Variants in EDN1 observed in about 807,000 individuals in gnomAD.
EDN1 encodes endothelin-1.
A neutral mutation model predicts 21.7 loss-of-function variants in EDN1; 11 were observed. That is an observed-to-expected ratio of 0.51 (90% CI 0.32 to 0.84). The LOEUF is 0.84. Among genes scored for constraint, EDN1 ranks in the 40% least tolerant of loss-of-function variants. The pLI is 0.03. For missense variants in EDN1, 244 were observed against 262.3 expected, an observed-to-expected ratio of 0.93 and a Z score of 0.48; for synonymous variants, 85 against 90.6, an observed-to-expected ratio of 0.94 and a Z score of 0.35.
chr6:12,247,489 A>G, the EDN1 span, among the ~76,000 whole-genome samples: 1 of 150,304 alleles, frequency 6.7e-6, no homozygotes, highest in African/African-American at 2.4e-5. Flanking sequence ...GACATTTAGA[A>G]TTTAGAAGTA....
At chr6:12,258,862 A>T in the EDN1 span, among the ~76,000 whole-genome samples, 1 of 152,224 alleles carries the variant, frequency 6.6e-6, no homozygotes, top group African/African-American at 2.4e-5. Flanking sequence ...CATTCATTCA[A>T]CATCATCTGT....
At chr6:12,282,796 T>C in the EDN1 span, among the ~76,000 whole-genome samples, 2 of 152,226 alleles carry the variant, frequency 1.3e-5, no homozygotes, top group Non-Finnish European at 2.9e-5. Context: ...TCTGGCTAAA[T>C]TAAAGATTGA....
At chr6:12,249,332 T>C in the EDN1 span, among the ~76,000 whole-genome samples, 1 of 152,124 alleles carries the variant, frequency 6.6e-6, no homozygotes, top group Non-Finnish European at 1.5e-5. Context: ...CTAAAAATTG[T>C]TCAAAATCTC....
chr6:12,236,625 T>C, the EDN1 span, among the ~76,000 whole-genome samples: 1 of 152,182 alleles, frequency 6.6e-6, no homozygotes, highest in Non-Finnish European at 1.5e-5. Flanking sequence ...ATATATAAAT[T>C]CATTTTTCCT....
At chr6:12,256,987 A>G in the EDN1 span, among the ~76,000 whole-genome samples, 1 of 152,194 alleles carries the variant, frequency 6.6e-6, no homozygotes, top group Non-Finnish European at 1.5e-5. Context: ...AGGTAAAACT[A>G]AAATCATGTA....
chr6:12,288,550 A>G (rs1186090501), upstream of EDN1, among the ~76,000 whole-genome samples: 3 of 152,064 alleles, frequency 2.0e-5, no homozygotes, highest in Non-Finnish European at 2.9e-5. Flanking sequence ...GATAGGGTGG[A>G]GGCATCTCTG....
the EDN1 span, among the ~76,000 whole-genome samples, chr6:12,263,530 G>T: frequency 1.3e-5 from 2 of 152,124 alleles, no homozygotes; most frequent in African/African-American, 4.8e-5. Context: ...CCACCAGTTT[G>T]GGTTTGTAGA....
the EDN1 span, among the ~76,000 whole-genome samples, chr6:12,284,744 G>T: frequency 3.2e-4 from 22 of 68,766 alleles, no homozygotes; most frequent in African/African-American, 1.2e-3. Context: ...AGGAAGGAAG[G>T]AAGGAAGAAA....
the EDN1 span, among the ~76,000 whole-genome samples, chr6:12,261,573 C>T: frequency 1.3e-5 from 2 of 152,032 alleles, no homozygotes; most frequent in Non-Finnish European, 2.9e-5. Context: ...GGAAGGGAAG[C>T]GGTGTTATTA....
chr6:12,242,822 GCTCT>G, the EDN1 span, among the ~76,000 whole-genome samples: 1 of 152,132 alleles, frequency 6.6e-6, no homozygotes, highest in Non-Finnish European at 1.5e-5. Context: ...CAGTTGGAAT[GCTCT>G]CTATTAACCA....
upstream of EDN1, among the ~76,000 whole-genome samples, chr6:12,287,710 T>TCA (rs1762579735): frequency 2.1e-4 from 14 of 67,394 alleles, no homozygotes; most frequent in South Asian, 9.8e-4. Context: ...TCTCTCTCTC[T>TCA]CTCACACACA....
chr6:12,258,443 A>C, the EDN1 span, among the ~76,000 whole-genome samples: 1 of 115,810 alleles, frequency 8.6e-6, no homozygotes, highest in East Asian at 2.7e-4. Context: ...GAGTGAGATC[A>C]TGTCTCAAAA....
At chr6:12,249,424 T>C in the EDN1 span, among the ~76,000 whole-genome samples, 2 of 151,722 alleles carry the variant, frequency 1.3e-5, no homozygotes, top group Non-Finnish European at 2.9e-5. Context: ...TTAATAAATA[T>C]TGATTGGTTG....
chr6:12,277,466 G>A, the EDN1 span, among the ~76,000 whole-genome samples: 3 of 152,168 alleles, frequency 2.0e-5, no homozygotes, highest in African/African-American at 7.2e-5. Context: ...TTGCACATGA[G>A]GAAATGGAAA....
At chr6:12,251,136 A>G in the EDN1 span, among the ~76,000 whole-genome samples, 1 of 152,362 alleles carries the variant, frequency 6.6e-6, no homozygotes, top group East Asian at 1.9e-4. Context: ...ACTCATTCAT[A>G]ACTGAAAGGA....
At chr6:12,269,192 C>G in the EDN1 span, among the ~76,000 whole-genome samples, 10 of 152,014 alleles carry the variant, frequency 6.6e-5, no homozygotes, top group Non-Finnish European at 1.0e-4. Context: ...CATCCTGAAA[C>G]TTAAATGAAT....
the EDN1 span, among the ~76,000 whole-genome samples, chr6:12,235,645 C>T: frequency 3.3e-5 from 5 of 152,150 alleles, no homozygotes; most frequent in Non-Finnish European, 7.3e-5. Context: ...TTGGTTGAGC[C>T]ATTCTTTTAA....
At chr6:12,249,041 TC>T in the EDN1 span, among the ~76,000 whole-genome samples, 229 of 152,298 alleles carry the variant, frequency 1.5e-3, 1 homozygote, top group African/African-American at 5.3e-3. Context: ...CACAAATGAG[TC>T]AAAGTTAATC....
At position 12,296,697 on chromosome 6, in the gene EDN1, C is replaced by T. The variant is rs1218873191; in HGVS notation, c.*630C>T. 6.5e-6 allele frequency: 1 copy of T among 153,444 alleles called. No homozygotes were observed. Among genetic ancestry groups the T allele is most frequent in the African/African-American group, 2.4e-5 (1 of 41,440 alleles). 9.5% of individuals were successfully genotyped at this position (153,444 alleles called of 1,614,324 possible). On this transcript the variant is annotated 3_prime_UTR_variant, in exon 5 of 5. Coordinates refer to ENST00000379375, the MANE Select transcript of EDN1 (RefSeq NM_001955.5). ...TTTCCCACATTTAATTATTGCCTCC[C>T]CAAACTCTTCCCACCCCTGCTGCCC...
Sources: allele counts gnomAD v4.1 joint callset (sites outside exome capture counted in the v4.1 genomes callset), GRCh38; gene constraint gnomAD v4.1.1; transcripts MANE v1.5; gene names NCBI Gene and HGNC (gene_info 2026-07-23, HGNC 2026-07-21).